Variants in DPYD observed in about 807,000 individuals in gnomAD.
The protein encoded by DPYD is dihydropyrimidine dehydrogenase.
In DPYD, 109 loss-of-function variants were observed where a neutral mutation model predicts 116.2. The observed-to-expected ratio is 0.94, with a 90% CI of 0.80 to 1.10. The LOEUF is 1.10. Ranked by LOEUF, DPYD falls within the 50% of genes least tolerant of loss-of-function variation. The pLI is 0.00. For missense variants in DPYD, 1,302 were observed against 1,254.5 expected (o/e 1.04, Z -0.57); for synonymous variants, 440 against 432.0 (o/e 1.02, Z -0.23).
At chr1:97,404,023 T>C (rs1276007488) in intron 14 of DPYD, among the ~76,000 whole-genome samples, 3 of 152,078 alleles carry the variant, frequency 2.0e-5, no homozygotes, top group Non-Finnish European at 2.9e-5. Flanking sequence ...ATATTTTTAA[T>C]GCTTTTTGAC....
chr1:97,130,929 C>G (rs1653293730), intron 20 of DPYD, among the ~76,000 whole-genome samples: 1 of 136,788 alleles, frequency 7.3e-6, no homozygotes. Flanking sequence ...CTCTTTCTCT[C>G]TCTCTATCTA....
At chr1:97,873,509 T>C (rs889535359) in intron 2 of DPYD, among the ~76,000 whole-genome samples, 2 of 151,928 alleles carry the variant, frequency 1.3e-5, no homozygotes, top group African/African-American at 2.4e-5. Context: ...TTTCAGGGTA[T>C]ACTTTGTATT....
intron 2 of DPYD, among the ~76,000 whole-genome samples, chr1:97,878,673 C>T (rs913305502): frequency 5.9e-5 from 9 of 152,006 alleles, no homozygotes; most frequent in Admixed American, 3.3e-4. Flanking sequence ...AGAGACCTTG[C>T]CTCCCATCTT....
intron 21 of DPYD, among the ~76,000 whole-genome samples, chr1:97,097,710 C>G (rs1650366432): frequency 6.6e-6 from 1 of 152,096 alleles, no homozygotes; most frequent in Admixed American, 6.6e-5. Flanking sequence ...ATACATGAAC[C>G]TCCATACATG....
At chr1:97,767,884 A>G (rs534321271) in intron 3 of DPYD, among the ~76,000 whole-genome samples, 1 of 151,978 alleles carries the variant, frequency 6.6e-6, no homozygotes, top group East Asian at 1.9e-4. Context: ...CTCTTTAAAT[A>G]GAGCCAAAAC....
Position 97,848,261 on chromosome 1 carries a change from C to T in DPYD, c.151-20065G>A, listed in dbSNP as rs1670404809. ...TATAGGCGCCTGCCACCACGGCCGG[C>T]TAACTTTTTGTATTTTTAGTAGAGA... On this transcript the variant is annotated intron_variant, in intron 2 of 22. Coordinates refer to ENST00000370192, the MANE Select transcript of DPYD (RefSeq NM_000110.4). Among the ~76,000 whole-genome samples, 3 of 152,276 alleles carry T rather than the reference C, an allele frequency of 2.0e-5. No individual in the cohort carries two copies. In the South Asian group the frequency reaches 6.2e-4, roughly 32 times the overall value.
intron 16 of DPYD, among the ~76,000 whole-genome samples, chr1:97,350,870 G>A (rs1387043554): frequency 6.6e-6 from 1 of 152,130 alleles, no homozygotes; most frequent in Non-Finnish European, 1.5e-5. Context: ...TCAAAGACTT[G>A]TAAAATGGGA....
Position 97,079,153 on chromosome 1 carries a change from A to G in DPYD, c.2908-7T>C, listed in dbSNP as rs756182652. On this transcript the variant is annotated splice_region_variant and splice_polypyrimidine_tract_variant and intron_variant, in intron 22 of 22. Coordinates refer to ENST00000370192, the MANE Select transcript of DPYD (RefSeq NM_000110.4). ...CTGGATCAAACTGTATAGCCTGCAA[A>G]CAGAAATAGAGGGTATTGATGTCAC... 6.2e-7 allele frequency: 1 copy of G among 1,613,160 alleles called. No individual in the cohort carries two copies. The highest frequency in any genetic ancestry group is 1.7e-5 in the Admixed American group (1 of 59,966).
At chr1:97,522,696 G>A (rs535774688) in intron 12 of DPYD, among the ~76,000 whole-genome samples, 3 of 148,682 alleles carry the variant, frequency 2.0e-5, no homozygotes, top group Admixed American at 6.7e-5. Flanking sequence ...TCCAGCCTGG[G>A]CAACAAGTGA....
intron 13 of DPYD, among the ~76,000 whole-genome samples, chr1:97,460,637 C>T (rs1676963003): frequency 6.6e-6 from 1 of 152,144 alleles, no homozygotes; most frequent in African/African-American, 2.4e-5. Flanking sequence ...GAGGCCTTCT[C>T]AGAAGTTTCT....
intron 13 of DPYD, among the ~76,000 whole-genome samples, chr1:97,465,127 T>G (rs1447842489): frequency 2.0e-5 from 3 of 152,332 alleles, no homozygotes; most frequent in Non-Finnish European, 4.4e-5. Flanking sequence ...ACTGCCCTGC[T>G]GGATTTCAGA....
intron 14 of DPYD, among the ~76,000 whole-genome samples, chr1:97,432,248 GTTCTAT>G (rs1675221687): frequency 6.6e-6 from 1 of 152,064 alleles, no homozygotes; most frequent in Admixed American, 6.6e-5. Flanking sequence ...TCATACGGTA[GTTCTAT>G]TTTTAGCTTT....
chr1:97,747,765 T>C (rs891572981), intron 3 of DPYD, among the ~76,000 whole-genome samples: 1 of 152,174 alleles, frequency 6.6e-6, no homozygotes, highest in Admixed American at 6.5e-5. Flanking sequence ...AAGCGTAGCA[T>C]TGAGGTTAAG....
chr1:97,856,332 C>G (rs1435977343), intron 2 of DPYD: 1 of 152,120 alleles, frequency 6.6e-6, no homozygotes, highest in Non-Finnish European at 1.5e-5. Flanking sequence ...AGAGGAGAAT[C>G]TTCCCAAGGG....
At chr1:97,259,948 C>T (rs1032160418) in intron 18 of DPYD, among the ~76,000 whole-genome samples, 3 of 152,060 alleles carry the variant, frequency 2.0e-5, no homozygotes, top group Non-Finnish European at 4.4e-5. Context: ...ACACTATAAT[C>T]ACTTTATAGT....
At chr1:97,519,719 G>A (rs1008060966) in intron 12 of DPYD, among the ~76,000 whole-genome samples, 3 of 152,122 alleles carry the variant, frequency 2.0e-5, no homozygotes, top group Admixed American at 1.3e-4. Flanking sequence ...TACTGGTAAA[G>A]CCACAATAAA....
chr1:97,731,609 GA>G (rs1432417454), intron 4 of DPYD, among the ~76,000 whole-genome samples: 1 of 151,914 alleles, frequency 6.6e-6, no homozygotes, highest in Non-Finnish European at 1.5e-5. Context: ...AAGGCACACT[GA>G]ACAAGAAATC....
chr1:97,762,775 C>T (rs1010519706), intron 3 of DPYD, among the ~76,000 whole-genome samples: 1 of 152,054 alleles, frequency 6.6e-6, no homozygotes, highest in Non-Finnish European at 1.5e-5. Flanking sequence ...GCAGCCATAA[C>T]ATTTTCAAAG....
chr1:97,454,262 T>C (rs191747596), intron 13 of DPYD, among the ~76,000 whole-genome samples: 70 of 152,096 alleles, frequency 4.6e-4, no homozygotes, highest in Admixed American at 1.8e-3. Context: ...AAAACACATA[T>C]ATAACCAATT....
Sources: allele counts gnomAD v4.1 joint callset (sites outside exome capture counted in the v4.1 genomes callset), GRCh38; gene constraint gnomAD v4.1.1; transcripts MANE v1.5; gene names NCBI Gene and HGNC (gene_info 2026-07-23, HGNC 2026-07-21).